The following KBTBD8 variants were observed in gnomAD, a reference collection of about 807,000 sequenced individuals.
The protein encoded by KBTBD8 is kelch repeat and BTB domain containing 8.
KBTBD8 carries 31 observed loss-of-function variants against 53.5 expected under a neutral mutation model. The ratio of observed to expected loss-of-function variants is 0.58; its 90% CI spans 0.44 to 0.78. The LOEUF (loss-of-function observed/expected upper bound fraction) is 0.78, where lower values mean the gene tolerates loss of function less well. Ranked by LOEUF, KBTBD8 falls within the 30% of genes least tolerant of loss-of-function variation. KBTBD8 has a pLI of 0.00. For missense variants in KBTBD8, 642 were observed against 735.8 expected, an observed-to-expected ratio of 0.87 and a Z score of 1.48; for synonymous variants, 250 against 247.3, an observed-to-expected ratio of 1.01 and a Z score of -0.10.
intron 3 of KBTBD8, 58 bp from the exon 4 acceptor site, chr3:67,007,864 T>C (rs1398066099): frequency 1.9e-6 from 2 of 1,032,396 alleles, no homozygotes; most frequent in East Asian, 2.5e-5. Flanking sequence ...TTACAACATA[T>C]AACCAAAAAC....
chr3:67,001,955 A>G (rs1302153031), intron 2 of KBTBD8, among the ~76,000 whole-genome samples: 1 of 152,234 alleles, frequency 6.6e-6, no homozygotes, highest in South Asian at 2.1e-4. Flanking sequence ...GAGCGAAAAG[A>G]AAGGCAAATG....
chr3:67,010,035 A>C lies in KBTBD8; in HGVS notation c.*1650A>C, dbSNP rs1702103184. On this transcript the variant is annotated 3_prime_UTR_variant, in exon 4 of 4. Transcript: ENST00000417314. ...TTCTGAAGCAGAAGTTAAAATGGAC[A>C]GCATTTCTAGAATTAACATTTTAAA... The C allele has an allele frequency of 6.6e-6, 1 of 152,618 alleles. No homozygotes were observed. The allele number at this position is 152,618 out of a possible 1,614,324, so 9.5% of individuals were successfully genotyped here. A position where few individuals can be genotyped will look rare whatever the true frequency, so the allele number is the denominator to read the frequency against.
rs1234128460 is a variant in KBTBD8, at chr3:66,998,871, A to C, written c.17-110A>C. ...TGCGTATATCCACAGACATTTGTAT[A>C]TATCTTGTAGGGGGAAAAAGCCTAG... On this transcript the variant is annotated intron_variant, in intron 1 of 3. Transcript: ENST00000417314. The C allele has an allele frequency of 3.7e-6, 3 of 820,032 alleles. No homozygotes were observed. The South Asian group carries it at 4.8e-5, about 13-fold the overall frequency. 50.8% of individuals were successfully genotyped at this position (820,032 alleles called of 1,614,324 possible).
chr3:67,011,175 A>ATTGT lies in KBTBD8; in HGVS notation c.*2793_*2796dup, dbSNP rs1254148792. The ATTGT allele has an allele frequency of 2.0e-5, 3 of 152,590 alleles. No homozygotes were observed. The highest frequency in any genetic ancestry group is 4.8e-5 in the African/African-American group (2 of 41,446). 9.5% of individuals were successfully genotyped at this position (152,590 alleles called of 1,614,324 possible). ...ATTTTTTGCATTTTTACCTGATGTC[A>ATTGT]TTGTTTCTTATAATAAAACCTTTTC... On this transcript the variant is annotated 3_prime_UTR_variant, in exon 4 of 4. Coordinates refer to ENST00000417314, the MANE Select transcript of KBTBD8 (RefSeq NM_032505.3).
chr3:67,000,149 A>C (rs1327318686), intron 2 of KBTBD8, among the ~76,000 whole-genome samples: 1 of 152,244 alleles, frequency 6.6e-6, no homozygotes, highest in African/African-American at 2.4e-5. Context: ...ATAATGTTCC[A>C]ACAGTAGTTT....
chr3:66,998,952 T>A (rs1489403018), intron 1 of KBTBD8, 29 bp from the exon 2 acceptor site: 1 of 1,531,284 alleles, frequency 6.5e-7, no homozygotes, highest in Non-Finnish European at 8.9e-7. Context: ...TCGGCACTTC[T>A]TGTAGTTGTA....
At chr3:67,006,918 ACTT>A (rs1208610688) in intron 3 of KBTBD8, among the ~76,000 whole-genome samples, 1 of 152,204 alleles carries the variant, frequency 6.6e-6, no homozygotes, top group Non-Finnish European at 1.5e-5. Flanking sequence ...AATCTTCACT[ACTT>A]TAATTCTTTC....
rs916780630 is a variant in KBTBD8, at chr3:66,998,341, G to T, written c.-15G>T. The T allele has an allele frequency of 5.1e-5, 66 of 1,298,514 alleles. 1 individual carries two copies. Among genetic ancestry groups the T allele is most frequent in the Admixed American group, 1.6e-4 (4 of 24,342 alleles). The allele number at this position is 1,298,514 out of a possible 1,614,324, so 80.4% of individuals were successfully genotyped here. A position where few individuals can be genotyped will look rare whatever the true frequency, so the allele number is the denominator to read the frequency against. On this transcript the variant is annotated 5_prime_UTR_variant, in exon 1 of 4. Coordinates refer to ENST00000417314, the MANE Select transcript of KBTBD8 (RefSeq NM_032505.3). Reference sequence around the variant, plus strand: ...TTTCCTTTTTAAATAGCTGGAGTCGGGGCCCCATCGAGAAATGGCCGCGTC... The same window carrying T: ...TTTCCTTTTTAAATAGCTGGAGTCGTGGCCCCATCGAGAAATGGCCGCGTC...
intron 3 of KBTBD8, among the ~76,000 whole-genome samples, chr3:67,006,408 A>G (rs1460727786): frequency 2.0e-5 from 3 of 152,226 alleles, no homozygotes; most frequent in Admixed American, 6.5e-5. Context: ...TTAATTGCAT[A>G]TTATTAGCTT....
At position 67,008,326 on chromosome 3, in the gene KBTBD8, C is replaced by T. The variant is rs760241546; in HGVS notation, c.1747C>T (p.Arg583Trp). 1.4e-5 allele frequency: 22 copies of T among 1,613,492 alleles called. No individual in the cohort carries two copies. Among genetic ancestry groups the T allele is most frequent in the East Asian group, 4.5e-5 (2 of 44,878 alleles). ...CCCAGATCGGCTCTGGGACCTTGGC[C>T]GGCATTTTGAATGTGCTGTTGCTAA... ...ETPDRLWDLG[R>W]HFECAVAKLY... The change falls in exon 4 of 4, where the codon CGG becomes TGG. Residue 583 changes from arginine (R) to tryptophan (W), a missense_variant. By Grantham distance (101) the Arg-to-Trp change is moderately radical. Coordinates refer to ENST00000417314, the MANE Select transcript of KBTBD8 (RefSeq NM_032505.3).
chr3:67,004,909 T>G (rs1702051501), intron 3 of KBTBD8, among the ~76,000 whole-genome samples: 1 of 152,228 alleles, frequency 6.6e-6, no homozygotes. Flanking sequence ...CATAATACAT[T>G]TTCAATTTTT....
rs1482628703 is a variant in KBTBD8, at chr3:67,008,456, C to T, written c.*71C>T. The stretch of plus-strand genomic sequence containing the variant: ...AACTTGTCTTTGATACAAAAGAGTG[C>T]TGACAGTATTTCAGAAAGCTGAGAG... On this transcript the variant is annotated 3_prime_UTR_variant, in exon 4 of 4. Coordinates refer to ENST00000417314, the MANE Select transcript of KBTBD8 (RefSeq NM_032505.3). 1.9e-6 allele frequency: 2 copies of T among 1,072,492 alleles called. No homozygotes were observed. Among genetic ancestry groups the T allele is most frequent in the African/African-American group, 3.2e-5 (2 of 63,260 alleles). The allele number at this position is 1,072,492 out of a possible 1,614,324, so 66.4% of individuals were successfully genotyped here. A position where few individuals can be genotyped will look rare whatever the true frequency, so the allele number is the denominator to read the frequency against.
chr3:67,007,298 A>C (rs1702076358), intron 3 of KBTBD8, among the ~76,000 whole-genome samples: 1 of 151,134 alleles, frequency 6.6e-6, no homozygotes, highest in African/African-American at 2.4e-5. Context: ...AATTGGATAG[A>C]GCAAATAGAA....
chr3:67,003,271 G>C lies in KBTBD8; in HGVS notation c.304G>C (p.Asp102His). The C allele has an allele frequency of 6.2e-7, 1 of 1,614,126 alleles. No individual in the cohort carries two copies. Among genetic ancestry groups the C allele is most frequent in the Non-Finnish European group, 8.5e-7 (1 of 1,180,008 alleles). The change falls in exon 3 of 4, where the codon GAT (aspartate) becomes CAT (histidine). Residue 102 changes from aspartate (D) to histidine (H), a missense_variant. Asp to His is a moderately conservative substitution (Grantham distance 81). Transcript: ENST00000417314. The part of the protein sequence containing the change: ...RIVGVEAESM[D>H]LVLNYAYTSR... ...AGTTGGTGTTGAAGCTGAATCGATGGATTTAGTGTTGAACTATGCCTACAC... is the reference window on the plus strand; with the variant it reads ...AGTTGGTGTTGAAGCTGAATCGATGCATTTAGTGTTGAACTATGCCTACAC...
intron 3 of KBTBD8, among the ~76,000 whole-genome samples, chr3:67,007,533 G>C (rs1702079058): frequency 6.6e-6 from 1 of 151,974 alleles, no homozygotes; most frequent in Non-Finnish European, 1.5e-5. Context: ...TGGCCAGGCT[G>C]GTCTCAAACT....
intron 3 of KBTBD8, among the ~76,000 whole-genome samples, chr3:67,006,941 C>G (rs1702068294): frequency 6.6e-6 from 1 of 152,208 alleles, no homozygotes; most frequent in Non-Finnish European, 1.5e-5. Flanking sequence ...CAGACATTTT[C>G]ATATTGGCAG....
At chr3:66,998,947 A>T in intron 1 of KBTBD8, 34 bp from the exon 2 acceptor site, 3 of 1,513,120 alleles carry the variant, frequency 2.0e-6, no homozygotes, top group Non-Finnish European at 2.7e-6. Flanking sequence ...CTGGCTCGGC[A>T]CTTCTTGTAG....
At position 67,008,450 on chromosome 3, in the gene KBTBD8, A is replaced by G; in HGVS notation, c.*65A>G. On this transcript the variant is annotated 3_prime_UTR_variant, in exon 4 of 4. Transcript: ENST00000417314. ...TTAGGAAACTTGTCTTTGATACAAA[A>G]GAGTGCTGACAGTATTTCAGAAAGC... 8.8e-7 allele frequency: 1 copy of G among 1,138,050 alleles called. No individual in the cohort carries two copies. The highest frequency in any genetic ancestry group is 1.5e-5 in the South Asian group (1 of 68,456). The allele number at this position is 1,138,050 out of a possible 1,614,324, so 70.5% of individuals were successfully genotyped here. A position where few individuals can be genotyped will look rare whatever the true frequency, so the allele number is the denominator to read the frequency against.
intron 2 of KBTBD8, among the ~76,000 whole-genome samples, chr3:66,999,711 CT>C (rs1701999459): frequency 6.6e-6 from 1 of 152,152 alleles, no homozygotes; most frequent in African/African-American, 2.4e-5. Flanking sequence ...GTATGGGACT[CT>C]TTTATAAAAT....
Sources: gnomAD v4.1 joint callset for allele counts (sites outside exome capture counted in the v4.1 genomes callset) on GRCh38, gnomAD v4.1.1 for gene constraint, MANE v1.5 for transcripts, NCBI Gene and HGNC (gene_info 2026-07-23, HGNC 2026-07-21) for gene names.